Variants in EDA observed in about 807,000 individuals in gnomAD.
The protein encoded by EDA is ectodysplasin A, also known as ectodysplasin-A.
Under a neutral mutation model 23.6 loss-of-function variants are expected in EDA, and 2 were observed. The ratio of observed to expected loss-of-function variants is 0.08; its 90% confidence interval spans 0.03 to 0.27. The LOEUF is 0.27. Ranked by LOEUF, EDA falls within the 10% of genes least tolerant of loss-of-function variation. The probability of loss-of-function intolerance (pLI) is 1.00; values close to 1 mark genes in which losing one functional copy is unlikely to be tolerated. For synonymous variants in EDA, 131 were observed against 132.0 expected (o/e 0.99, Z 0.05); for missense variants, 229 against 324.2 (o/e 0.71, Z 2.26).
At chrX:69,915,212 A>G (rs747877698) in intron 1 of EDA, among the ~76,000 whole-genome samples, 1 of 111,546 alleles carries the variant, frequency 9.0e-6, no homozygotes, top group Non-Finnish European at 1.9e-5. Context: ...GTAGCCTTTC[A>G]TATAGAAAGA....
At chrX:69,631,801 TA>T (rs1230186488) in intron 1 of EDA, among the ~76,000 whole-genome samples, 2 of 111,296 alleles carry the variant, frequency 1.8e-5, no homozygotes, top group Non-Finnish European at 3.8e-5. Context: ...CCTGGCATTG[TA>T]GGAGACAGAA....
chrX:69,778,514 T>A (rs779091409), intron 1 of EDA, among the ~76,000 whole-genome samples: 1 of 111,947 alleles, frequency 8.9e-6, no homozygotes, highest in South Asian at 3.7e-4. Flanking sequence ...GGGTGCCCCT[T>A]CATTTTCCTT....
chrX:69,882,810 C>A, intron 1 of EDA, among the ~76,000 whole-genome samples: 1 of 111,242 alleles, frequency 9.0e-6, no homozygotes, highest in Non-Finnish European at 1.9e-5. Context: ...TCAAGCGATT[C>A]TCCTGCCTCA....
Position 69,671,933 on chromosome X carries a change from A to T in EDA, c.396+55229A>T, listed in dbSNP as rs186116762. Among the ~76,000 whole-genome samples the T allele has an allele frequency of 4.6e-4, 52 of 112,136 alleles. 1 individual carries two copies. The highest frequency in any genetic ancestry group is 7.7e-4 in the Non-Finnish European group (41 of 53,265). On this transcript the variant is annotated intron_variant, in intron 1 of 7. Transcript: ENST00000374552. ...TGTCACCTATTAGAGACACTTATATAAAGTTTTTATTCTCCTAGTAGATTG... is the reference window on the plus strand; with the variant it reads ...TGTCACCTATTAGAGACACTTATATTAAGTTTTTATTCTCCTAGTAGATTG...
intron 1 of EDA, among the ~76,000 whole-genome samples, chrX:69,827,955 G>T (rs919933668): frequency 3.6e-5 from 4 of 110,728 alleles, no homozygotes; most frequent in Non-Finnish European, 5.7e-5. Context: ...TGGAGTTCCT[G>T]GCCGTGTGAG....
intron 1 of EDA, among the ~76,000 whole-genome samples, chrX:69,787,626 C>G (rs1156326852): frequency 9.0e-6 from 1 of 111,061 alleles, no homozygotes. Context: ...GGCCCCCACT[C>G]TCTTCTGGCT....
At chrX:69,734,920 G>A (rs1893702160) in intron 1 of EDA, among the ~76,000 whole-genome samples, 1 of 111,297 alleles carries the variant, frequency 9.0e-6, no homozygotes, top group African/African-American at 3.3e-5. Context: ...TGCATTGTTG[G>A]TAGGATTCTA....
intron 6 of EDA, 121 bp from the exon 7 acceptor site, chrX:70,033,277 C>A (rs969179415): frequency 2.0e-6 from 2 of 1,008,612 alleles, no homozygotes; most frequent in African/African-American, 3.7e-5. Context: ...AAAGTTTGGC[C>A]TTCTAGGCTA....
chrX:69,620,095 C>T (rs948625312), intron 1 of EDA, among the ~76,000 whole-genome samples: 1 of 111,702 alleles, frequency 9.0e-6, no homozygotes, highest in African/African-American at 3.3e-5. Flanking sequence ...TCAAAGTCTA[C>T]CAAACCATGA....
At chrX:69,666,220 A>G (rs773465707) in intron 1 of EDA, among the ~76,000 whole-genome samples, 2 of 112,232 alleles carry the variant, frequency 1.8e-5, no homozygotes, top group Non-Finnish European at 3.8e-5. Context: ...TTTTTTACAT[A>G]TAAGATCATC....
intron 2 of EDA, among the ~76,000 whole-genome samples, chrX:69,974,081 A>G (rs1231898582): frequency 2.7e-5 from 3 of 109,134 alleles, no homozygotes; most frequent in Admixed American, 9.9e-5. Context: ...ATGAAAAGGA[A>G]ATTGAGGGAA....
intron 1 of EDA, among the ~76,000 whole-genome samples, chrX:69,818,647 C>T (rs1362404201): frequency 9.0e-6 from 1 of 111,403 alleles, no homozygotes; most frequent in African/African-American, 3.3e-5. Context: ...GACACATACA[C>T]CTTCCCAAGA....
chrX:69,769,421 C>T (rs768692130), intron 1 of EDA, among the ~76,000 whole-genome samples: 28 of 111,289 alleles, frequency 2.5e-4, no homozygotes, highest in Non-Finnish European at 5.1e-4. Context: ...AAATGTGTTT[C>T]CTGTTAAGCA....
intron 1 of EDA, among the ~76,000 whole-genome samples, chrX:69,658,685 C>T (rs1439033874): frequency 9.0e-6 from 1 of 111,626 alleles, no homozygotes; most frequent in Non-Finnish European, 1.9e-5. Flanking sequence ...AGTACTTTTG[C>T]ATGCCTTTTC....
intron 1 of EDA, among the ~76,000 whole-genome samples, chrX:69,792,699 A>C (rs1166410796): frequency 8.9e-6 from 1 of 112,013 alleles, no homozygotes; most frequent in Non-Finnish European, 1.9e-5. Context: ...TGTGGTTTTA[A>C]TTTGCATTTC....
chrX:69,975,653 A>G (rs1602579107), intron 2 of EDA, among the ~76,000 whole-genome samples: 1 of 111,801 alleles, frequency 8.9e-6, no homozygotes, highest in Admixed American at 9.5e-5. Context: ...AAAACTAAAT[A>G]AATAAAAGTG....
At chrX:69,766,276 T>C (rs2014467004) in intron 1 of EDA, among the ~76,000 whole-genome samples, 1 of 111,581 alleles carries the variant, frequency 9.0e-6, no homozygotes, top group Non-Finnish European at 1.9e-5. Context: ...GGGGGAAGTA[T>C]CTGGCATTTT....
intron 1 of EDA, among the ~76,000 whole-genome samples, chrX:69,674,563 T>G (rs1053751691): frequency 3.6e-5 from 4 of 112,133 alleles, no homozygotes; most frequent in African/African-American, 1.3e-4. Flanking sequence ...TGCTTGATAT[T>G]ATTCTTTCAT....
chrX:69,864,824 C>G (rs756873061), intron 1 of EDA, among the ~76,000 whole-genome samples: 21 of 110,603 alleles, frequency 1.9e-4, no homozygotes, highest in Non-Finnish European at 3.8e-4. Flanking sequence ...AATCCCACCT[C>G]TACTAAAATT....
Sources: gnomAD v4.1 joint callset for allele counts (sites outside exome capture counted in the v4.1 genomes callset) on GRCh38, gnomAD v4.1.1 for gene constraint, MANE v1.5 for transcripts, NCBI Gene and HGNC (gene_info 2026-07-23, HGNC 2026-07-21) for gene names.